ABCB11: variants seen among roughly 807,000 people sequenced by gnomAD.
ABCB11 encodes the protein bile salt export pump.
A neutral mutation model predicts 148.0 loss-of-function variants in ABCB11; 95 were observed. The observed-to-expected ratio is 0.64, with a 90% CI of 0.54 to 0.76. The LOEUF (loss-of-function observed/expected upper bound fraction) is 0.76, where lower values mean the gene tolerates loss of function less well. Among genes scored for constraint, ABCB11 ranks in the 30% least tolerant of loss-of-function variants. ABCB11 has a pLI of 0.00. For missense variants in ABCB11, 1,523 were observed against 1,617.8 expected (o/e 0.94, Z 1.01); for synonymous variants, 591 against 555.4 (o/e 1.06, Z -0.90).
At chr2:169,008,280 C>T (rs182660903) in intron 5 of ABCB11, among the ~76,000 whole-genome samples, 35 of 152,256 alleles carry the variant, frequency 2.3e-4, no homozygotes, top group African/African-American at 7.2e-4. Flanking sequence ...CTCCTAAGGC[C>T]CTAAGAGAGA....
Position 169,001,070 on chromosome 2 carries a change from A to G in ABCB11, c.390-4348T>C, listed in dbSNP as rs1694856675. ...GTCTACTAGTGCTGTCATTTTACCA[A>G]TTCAAGTGAAATATATAAAGATTAC... On this transcript the variant is annotated intron_variant, in intron 5 of 27. Transcript: ENST00000650372. Among the ~76,000 whole-genome samples the G allele has an allele frequency of 2.0e-5, 3 of 152,148 alleles. 1 individual carries two copies. The South Asian group carries it at 6.2e-4, about 31-fold the overall frequency.
At chr2:169,027,842 C>T (rs1353313803) in intron 1 of ABCB11, among the ~76,000 whole-genome samples, 3 of 151,980 alleles carry the variant, frequency 2.0e-5, no homozygotes, top group Non-Finnish European at 4.4e-5. Context: ...GATGGACAGG[C>T]TGATCTTCAC....
chr2:168,967,569 T>C (rs1693373439), intron 17 of ABCB11, among the ~76,000 whole-genome samples: 1 of 151,914 alleles, frequency 6.6e-6, no homozygotes. Context: ...TTATCCATCT[T>C]GAATGAGCAA....
chr2:168,965,851 G>A (rs1693290636), intron 17 of ABCB11, among the ~76,000 whole-genome samples: 1 of 151,816 alleles, frequency 6.6e-6, no homozygotes, highest in South Asian at 2.1e-4. Flanking sequence ...TCCAGAGAAG[G>A]CAGTAATGTA....
At chr2:168,954,804 T>C (rs1692720305) in intron 19 of ABCB11, among the ~76,000 whole-genome samples, 1 of 151,708 alleles carries the variant, frequency 6.6e-6, no homozygotes, top group Non-Finnish European at 1.5e-5. Context: ...TGATGATTTT[T>C]TAAAATATGT....
At chr2:168,952,389 C>T (rs78550592) in intron 19 of ABCB11, among the ~76,000 whole-genome samples, 2,002 of 151,430 alleles carry the variant, frequency 0.013, 39 homozygotes, top group African/African-American at 0.046. Context: ...TTTTTTATTA[C>T]TGACTCAGTC....
intron 19 of ABCB11, among the ~76,000 whole-genome samples, chr2:168,947,638 A>G (rs2105917331): frequency 6.6e-6 from 1 of 151,948 alleles, no homozygotes; most frequent in Middle Eastern, 3.4e-3. Context: ...TGTGAGAAGA[A>G]AGCATCATGA....
At chr2:168,991,835 CTTTTTTT>C (rs72146229) in intron 8 of ABCB11, among the ~76,000 whole-genome samples, 1 of 128,264 alleles carries the variant, frequency 7.8e-6, no homozygotes, top group South Asian at 2.5e-4. Flanking sequence ...GAAAGTGAGG[CTTTTTTT>C]TTTTTTTTTT....
intron 13 of ABCB11, among the ~76,000 whole-genome samples, chr2:168,973,125 T>G (rs1236586548): frequency 1.3e-5 from 2 of 151,610 alleles, no homozygotes; most frequent in African/African-American, 2.4e-5. Flanking sequence ...CACAATAATA[T>G]TTTCGTTATA....
At chr2:169,012,365 C>A (rs1423888084) in intron 5 of ABCB11, among the ~76,000 whole-genome samples, 1 of 152,124 alleles carries the variant, frequency 6.6e-6, no homozygotes, top group African/African-American at 2.4e-5. Context: ...TCACTGATTA[C>A]AAGGTGGCCT....
At chr2:168,938,824 T>G (rs555908663) in intron 21 of ABCB11, among the ~76,000 whole-genome samples, 1 of 152,212 alleles carries the variant, frequency 6.6e-6, no homozygotes, top group Non-Finnish European at 1.5e-5. Context: ...TTTATTCAAT[T>G]GGTATTTTTT....
rs564465862 is a variant in ABCB11 at position 169,003,978 on chromosome 2, C to A, written c.390-7256G>T. Among the ~76,000 whole-genome samples, 3 of 152,264 alleles carry A rather than the reference C, an allele frequency of 2.0e-5. No individual in the cohort carries two copies. The South Asian group carries it at 6.2e-4, about 32-fold the overall frequency. ...TTGGTTAATGAGGCTAAAAATAGGA[C>A]CCCAATCCCTTCTAGCTTGTAGGGT... On this transcript the variant is annotated intron_variant, in intron 5 of 27. Transcript: ENST00000650372.
At chr2:169,003,373 CA>C (rs201106207) in intron 5 of ABCB11, among the ~76,000 whole-genome samples, 1 of 145,758 alleles carries the variant, frequency 6.9e-6, no homozygotes, top group African/African-American at 2.5e-5. Context: ...TGCACACACA[CA>C]AAAACATATT....
chr2:168,926,245 G>A (rs1352837170), intron 26 of ABCB11, among the ~76,000 whole-genome samples: 1 of 152,068 alleles, frequency 6.6e-6, no homozygotes, highest in East Asian at 1.9e-4. Flanking sequence ...AATATTGCGC[G>A]AAATCTGGAC....
chr2:168,939,274 C>T (rs573926770), intron 21 of ABCB11, among the ~76,000 whole-genome samples: 12 of 152,112 alleles, frequency 7.9e-5, no homozygotes, highest in African/African-American at 2.6e-4. Context: ...TCAGGCATTA[C>T]ACAATACTTG....
intron 1 of ABCB11, among the ~76,000 whole-genome samples, chr2:169,030,494 A>G (rs751990414): frequency 5.3e-4 from 81 of 152,244 alleles, no homozygotes; most frequent in Non-Finnish European, 9.8e-4. Context: ...AGTTTTAGGT[A>G]TAACCACTAT....
chr2:169,015,714 T>C (rs1468054607), intron 3 of ABCB11, among the ~76,000 whole-genome samples: 2 of 152,180 alleles, frequency 1.3e-5, no homozygotes, highest in East Asian at 3.8e-4. Context: ...AGTTTATTTT[T>C]CCTTCTCAGA....
chr2:168,992,286 G>C (rs1694554260), intron 8 of ABCB11, among the ~76,000 whole-genome samples: 1 of 152,024 alleles, frequency 6.6e-6, no homozygotes, highest in Non-Finnish European at 1.5e-5. Context: ...CTAAGCGTTA[G>C]AGCTGTTTAA....
At chr2:169,021,857 C>A (rs973091067) in intron 1 of ABCB11, among the ~76,000 whole-genome samples, 1 of 151,856 alleles carries the variant, frequency 6.6e-6, no homozygotes, top group Admixed American at 6.6e-5. Context: ...AAAACTTACC[C>A]ATTAATAAGC....
Sources: gnomAD v4.1 joint callset for allele counts (sites outside exome capture counted in the v4.1 genomes callset) on GRCh38, gnomAD v4.1.1 for gene constraint, MANE v1.5 for transcripts, NCBI Gene and HGNC (gene_info 2026-07-23, HGNC 2026-07-21) for gene names.